ATXN1: variants seen among roughly 807,000 people sequenced by gnomAD.
ATXN1 encodes the protein ataxin-1.
Under a neutral mutation model 56.4 loss-of-function variants are expected in ATXN1, and 8 were observed. That is an observed-to-expected ratio of 0.14 (90% CI 0.08 to 0.26). The LOEUF is 0.26. Ranked by LOEUF, ATXN1 falls within the 10% of genes least tolerant of loss-of-function variation. The probability of loss-of-function intolerance (pLI) is 1.00; values close to 1 mark genes in which losing one functional copy is unlikely to be tolerated. For missense variants in ATXN1, 987 were observed against 1,106.5 expected (o/e 0.89, Z 1.53); for synonymous variants, 514 against 494.6 (o/e 1.04, Z -0.52).
intron 6 of ATXN1, among the ~76,000 whole-genome samples, chr6:16,416,091 C>CGCTTTCAA: frequency 9.0e-6 from 1 of 110,536 alleles, no homozygotes; most frequent in Non-Finnish European, 1.8e-5. Context: ...ACCAAGCTTT[C>CGCTTTCAA]AAAAAAAAAA....
chr6:16,708,314 C>A (rs1759448888), intron 2 of ATXN1, among the ~76,000 whole-genome samples: 1 of 151,806 alleles, frequency 6.6e-6, no homozygotes, highest in Non-Finnish European at 1.5e-5. Flanking sequence ...ATATTTAAAG[C>A]AACAACTATG....
chr6:16,566,625 G>A (rs1226140728), intron 4 of ATXN1, among the ~76,000 whole-genome samples: 6 of 152,066 alleles, frequency 3.9e-5, no homozygotes, highest in Non-Finnish European at 5.9e-5. Flanking sequence ...AGGCCACGGC[G>A]GGCGGATCAC....
At chr6:16,685,911 A>T (rs1027222454) in intron 2 of ATXN1, among the ~76,000 whole-genome samples, 1 of 152,228 alleles carries the variant, frequency 6.6e-6, no homozygotes, top group Non-Finnish European at 1.5e-5. Flanking sequence ...CTCTGTTCTT[A>T]AAAATGGAAT....
chr6:16,398,624 CTAGTT>C (rs1413561264), intron 6 of ATXN1, among the ~76,000 whole-genome samples: 6 of 152,054 alleles, frequency 3.9e-5, no homozygotes, highest in Admixed American at 3.9e-4. Flanking sequence ...ATGTGTGTGT[CTAGTT>C]TGTTTTTCGC....
intron 4 of ATXN1, among the ~76,000 whole-genome samples, chr6:16,563,058 T>C (rs1762151777): frequency 6.6e-6 from 1 of 151,938 alleles, no homozygotes; most frequent in African/African-American, 2.4e-5. Context: ...GAGCACAGCA[T>C]GCAACACTTG....
At chr6:16,343,794 A>T (rs1267353724) in intron 6 of ATXN1, among the ~76,000 whole-genome samples, 1 of 152,120 alleles carries the variant, frequency 6.6e-6, no homozygotes, top group Admixed American at 6.6e-5. Flanking sequence ...GCCATTACTC[A>T]GCTCTACCTC....
intron 6 of ATXN1, among the ~76,000 whole-genome samples, chr6:16,390,514 C>A (rs1470196553): frequency 6.6e-6 from 1 of 152,160 alleles, no homozygotes; most frequent in East Asian, 1.9e-4. Flanking sequence ...GGTTGTTAGA[C>A]TCCTTGGGTC....
At chr6:16,441,532 C>T (rs907510129) in intron 6 of ATXN1, among the ~76,000 whole-genome samples, 4 of 149,894 alleles carry the variant, frequency 2.7e-5, no homozygotes, top group Non-Finnish European at 4.5e-5. Flanking sequence ...CAGAGACATG[C>T]CCCCAAAACA....
intron 4 of ATXN1, among the ~76,000 whole-genome samples, chr6:16,564,918 C>T (rs1561757275): frequency 6.6e-6 from 1 of 152,096 alleles, no homozygotes; most frequent in African/African-American, 2.4e-5. Flanking sequence ...AGACTTTCTT[C>T]CCTGGGTGAG....
At chr6:16,381,935 G>C (rs776596520) in intron 6 of ATXN1, among the ~76,000 whole-genome samples, 1 of 152,232 alleles carries the variant, frequency 6.6e-6, no homozygotes, top group South Asian at 2.1e-4. Flanking sequence ...TACATTTATA[G>C]ATTTAGACAT....
chr6:16,447,587 C>T (rs1161090674), intron 6 of ATXN1, among the ~76,000 whole-genome samples: 1 of 152,048 alleles, frequency 6.6e-6, no homozygotes, highest in African/African-American at 2.4e-5. Flanking sequence ...GAACTTCTGG[C>T]GTCAAGTGAT....
intron 4 of ATXN1, among the ~76,000 whole-genome samples, chr6:16,571,094 T>C (rs1253619009): frequency 6.6e-6 from 1 of 152,106 alleles, no homozygotes; most frequent in African/African-American, 2.4e-5. Flanking sequence ...GCAATTGCTA[T>C]GAGAATAAAT....
Position 16,328,156 on chromosome 6 carries a change from C to T in ATXN1, c.155G>A (p.Gly52Asp). 1.9e-6 allele frequency: 3 copies of T among 1,585,184 alleles called. No homozygotes were observed. The highest frequency in any genetic ancestry group is 2.6e-6 in the Non-Finnish European group (3 of 1,162,114). The change falls in exon 7 of 8, where the codon GGC becomes GAC. Residue 52 changes from glycine (G) to aspartate (D), a missense_variant. Physicochemically the swap from Gly to Asp is moderately conservative, Grantham distance 94. Around this residue, in one of 3 missense-constraint regions of ATXN1, gnomAD observed 723 missense variants for 791.7 expected, o/e 0.91. Coordinates refer to ENST00000436367, the MANE Select transcript of ATXN1 (RefSeq NM_001128164.2). This position sits in a 1 kb window ranked among gnomAD's most constrained non-coding sequence, Gnocchi z 6.2. ...GTAWLPGNPGGRGHGGGRHGP... is the reference protein window; with the variant it reads ...GTAWLPGNPGDRGHGGGRHGP... ...ATGCCTCCCGCCCCCGTGGCCCCGG[C>T]CACCAGGGTTGCCCGGGAGCCATGC...
intron 6 of ATXN1, among the ~76,000 whole-genome samples, chr6:16,376,765 G>C (rs1338426836): frequency 6.6e-6 from 1 of 152,242 alleles, no homozygotes; most frequent in Non-Finnish European, 1.5e-5. Context: ...GACAAACTCT[G>C]AAATCACTTC....
At chr6:16,345,515 C>A (rs969654211) in intron 6 of ATXN1, among the ~76,000 whole-genome samples, 2 of 152,164 alleles carry the variant, frequency 1.3e-5, no homozygotes, top group Non-Finnish European at 2.9e-5. Flanking sequence ...TACACATCGG[C>A]CAAGATAAGA....
rs1361611293 is a variant in ATXN1, at chr6:16,306,357, A to G, written c.2420T>C (p.Ile807Thr). 7 of 1,612,290 alleles carry G rather than the reference A, an allele frequency of 4.3e-6. No homozygotes were observed. Among genetic ancestry groups the G allele is most frequent in the Non-Finnish European group, 5.1e-6 (6 of 1,179,276 alleles). The change falls in exon 8 of 8, where the codon ATT becomes ACT. Residue 807 changes from isoleucine (I) to threonine (T), a missense_variant. Transcript: ENST00000436367. The surrounding 1 kb of genome is among the most constrained non-coding windows in gnomAD (Gnocchi z 5.2). ...SLIPQEVKIC[I>T]EGRSNVGK ...CTTGCCTACATTAGACCGGCCTTCAATGCAAATCTTAACCTCCTGAGGAAT... is the reference window on the plus strand; with the variant it reads ...CTTGCCTACATTAGACCGGCCTTCAGTGCAAATCTTAACCTCCTGAGGAAT...
chr6:16,352,467 G>T (rs1365362392), intron 6 of ATXN1, among the ~76,000 whole-genome samples: 1 of 152,078 alleles, frequency 6.6e-6, no homozygotes, highest in African/African-American at 2.4e-5. Context: ...TTAACAAAAC[G>T]CATGGATTTA....
chr6:16,411,276 C>T (rs569332424), intron 6 of ATXN1, among the ~76,000 whole-genome samples: 1 of 151,836 alleles, frequency 6.6e-6, no homozygotes, highest in African/African-American at 2.4e-5. Flanking sequence ...ATAATAATAA[C>T]ATAACTAATT....
At chr6:16,634,884 C>T (rs1034673735) in intron 3 of ATXN1, among the ~76,000 whole-genome samples, 3 of 152,150 alleles carry the variant, frequency 2.0e-5, no homozygotes, top group African/African-American at 7.2e-5. Flanking sequence ...CTGTAGCTTT[C>T]ATTACCATTG....
Sources: allele counts gnomAD v4.1 joint callset (sites outside exome capture counted in the v4.1 genomes callset), GRCh38; gene constraint gnomAD v4.1.1; regional missense constraint gnomAD v4.1.1; non-coding constraint Gnocchi (gnomAD v3.1); transcripts MANE v1.5; gene names NCBI Gene and HGNC (gene_info 2026-07-23, HGNC 2026-07-21).